The following AGPAT4 variants were observed in gnomAD, a reference collection of about 807,000 sequenced individuals.
AGPAT4 encodes 1-acylglycerol-3-phosphate O-acyltransferase 4.
A neutral mutation model predicts 48.0 loss-of-function variants in AGPAT4; 15 were observed. The observed-to-expected ratio is 0.31, with a 90% confidence interval of 0.21 to 0.48. AGPAT4 has a LOEUF of 0.48. Among genes scored for constraint, AGPAT4 ranks in the 20% least tolerant of loss-of-function variants. The pLI, the probability that AGPAT4 is intolerant of heterozygous loss-of-function variation, is 0.99. For synonymous variants in AGPAT4, 178 were observed against 198.7 expected, an observed-to-expected ratio of 0.90 and a Z score of 0.88; for missense variants, 314 against 482.5, an observed-to-expected ratio of 0.65 and a Z score of 3.27.
chr6:161,177,872 T>G lies in AGPAT4; in HGVS notation c.179-11455A>C, dbSNP rs182155733. ...CGTTTGTTAGTTTTCCTTCTAACAG[T>G]CGGAACCCTCAGCTGCAGGTCTGTT... is the stretch of plus-strand genomic sequence containing the variant. On this transcript the variant is annotated intron_variant, in intron 2 of 8. Coordinates refer to ENST00000320285, the MANE Select transcript of AGPAT4 (RefSeq NM_020133.3). This position sits in a 1 kb window ranked among gnomAD's most constrained non-coding sequence, Gnocchi z 5.0. Among the ~76,000 whole-genome samples the G allele has an allele frequency of 2.9e-4, 44 of 152,356 alleles. No homozygotes were observed. The highest frequency in any genetic ancestry group is 1.0e-3 in the African/African-American group (42 of 41,594).
intron 2 of AGPAT4, among the ~76,000 whole-genome samples, chr6:161,170,372 C>T (rs1227289975): frequency 6.6e-6 from 1 of 152,130 alleles, no homozygotes; most frequent in Non-Finnish European, 1.5e-5. Flanking sequence ...CCCAACCTCC[C>T]TCCCTTCTCC....
At chr6:161,237,422 C>G (rs1240491150) in intron 1 of AGPAT4, among the ~76,000 whole-genome samples, 2 of 152,158 alleles carry the variant, frequency 1.3e-5, no homozygotes, top group East Asian at 1.9e-4. Flanking sequence ...CAGAAGAAGT[C>G]TCCTTCAGCA....
Position 161,180,969 on chromosome 6 carries a change from GA to G in AGPAT4, c.179-14553del, listed in dbSNP as rs1381713293. Reference sequence around the variant, plus strand: ...ACAAAAACAAAGTGGAGTTAAGGAAGAAAGGCCTCTGCTGTCCTATCTGTAA... The same window carrying G: ...ACAAAAACAAAGTGGAGTTAAGGAAGAAGGCCTCTGCTGTCCTATCTGTAA... On this transcript the variant is annotated intron_variant, in intron 2 of 8. Transcript: ENST00000320285. The surrounding 1 kb of genome is among the most constrained non-coding windows in gnomAD (Gnocchi z 6.4). 6.6e-6 allele frequency among the ~76,000 whole-genome samples: 1 copy of G among 152,212 alleles called. No individual in the cohort carries two copies. Among genetic ancestry groups the G allele is most frequent in the Admixed American group, 6.5e-5 (1 of 15,290 alleles).
intron 5 of AGPAT4, among the ~76,000 whole-genome samples, chr6:161,153,021 C>T (rs2114965420): frequency 6.6e-6 from 1 of 152,332 alleles, no homozygotes; most frequent in Non-Finnish European, 1.5e-5. Flanking sequence ...TCAAACCCAA[C>T]TGTGCTGTCT....
At chr6:161,174,810 A>T (rs556781678) in intron 2 of AGPAT4, among the ~76,000 whole-genome samples, 1 of 152,292 alleles carries the variant, frequency 6.6e-6, no homozygotes, top group African/African-American at 2.4e-5. Flanking sequence ...TATGATTTTG[A>T]GATACGTCCC....
At chr6:161,188,606 T>C (rs1780835444) in intron 2 of AGPAT4, among the ~76,000 whole-genome samples, 1 of 152,214 alleles carries the variant, frequency 6.6e-6, no homozygotes, top group African/African-American at 2.4e-5. Context: ...ATGCAATATC[T>C]GGGACACATA....
rs564505701 is a variant in AGPAT4 at position 161,131,388 on chromosome 6, A to G, written c.*5152T>C. 6.5e-6 allele frequency: 1 copy of G among 153,142 alleles called. No homozygotes were observed. Among genetic ancestry groups the G allele is most frequent in the Admixed American group, 6.5e-5 (1 of 15,468 alleles). 9.5% of individuals were successfully genotyped at this position (153,142 alleles called of 1,614,324 possible). Reference sequence around the variant, plus strand: ...TCCTGGAGAACAGCTTTGCTATTTCACTGGTAACTCCGAAACTTCAAAATA... The same window carrying G: ...TCCTGGAGAACAGCTTTGCTATTTCGCTGGTAACTCCGAAACTTCAAAATA... On this transcript the variant is annotated 3_prime_UTR_variant, in exon 9 of 9. Transcript: ENST00000320285.
chr6:161,168,202 C>G (rs998284666), intron 2 of AGPAT4, among the ~76,000 whole-genome samples: 2 of 152,060 alleles, frequency 1.3e-5, no homozygotes, highest in African/African-American at 4.8e-5. Context: ...CAATTTGTTA[C>G]CATGGGGCAC....
intron 3 of AGPAT4, among the ~76,000 whole-genome samples, chr6:161,156,875 T>C (rs1301110336): frequency 6.7e-6 from 1 of 149,312 alleles, no homozygotes; most frequent in Non-Finnish European, 1.5e-5. Context: ...GACATGCTCC[T>C]GCTGCAGTTA....
Position 161,142,642 on chromosome 6 carries a change from G to A in AGPAT4, c.844-3022C>T, listed in dbSNP as rs1295343844. On this transcript the variant is annotated intron_variant, in intron 7 of 8. Coordinates refer to ENST00000320285, the MANE Select transcript of AGPAT4 (RefSeq NM_020133.3). This position sits in a 1 kb window ranked among gnomAD's most constrained non-coding sequence, Gnocchi z 6.4. ...TCAGCTTTCCCAGGGCCCAGGAGAA[G>A]AAAGAAGGGAGAAAAGAACGGGAGG... Among the ~76,000 whole-genome samples the A allele has an allele frequency of 6.6e-6, 1 of 152,170 alleles. No individual in the cohort carries two copies. Among genetic ancestry groups the A allele is most frequent in the Non-Finnish European group, 1.5e-5 (1 of 68,040 alleles).
Position 161,255,924 on chromosome 6 carries a change from C to A in AGPAT4, c.-90+18014G>T, listed in dbSNP as rs1782931405. Among the ~76,000 whole-genome samples, 1 of 152,104 alleles carries A rather than the reference C, an allele frequency of 6.6e-6. No homozygotes were observed. The highest frequency in any genetic ancestry group is 2.4e-5 in the African/African-American group (1 of 41,406). On this transcript the variant is annotated intron_variant, in intron 1 of 8. Transcript: ENST00000320285. This position sits in a 1 kb window ranked among gnomAD's most constrained non-coding sequence, Gnocchi z 4.7. Reference sequence around the variant, plus strand: ...TAAAAACAAAGAAAAAAACACTGGCCCCACAGAAGACAAAACATAAGCAGA... The same window carrying A: ...TAAAAACAAAGAAAAAAACACTGGCACCACAGAAGACAAAACATAAGCAGA...
At chr6:161,145,870 C>T (rs1456228095) in intron 7 of AGPAT4, among the ~76,000 whole-genome samples, 1 of 151,710 alleles carries the variant, frequency 6.6e-6, no homozygotes, top group African/African-American at 2.4e-5. Flanking sequence ...TTAATGAGAC[C>T]TGGCCATAAA....
rs1438257113 is a variant in AGPAT4, at chr6:161,135,087, T to C, written c.*1453A>G. 1 of 77,906 alleles carries C rather than the reference T, an allele frequency of 1.3e-5. No homozygotes were observed. Among genetic ancestry groups the C allele is most frequent in the Non-Finnish European group, 2.6e-5 (1 of 38,572 alleles). The allele number at this position is 77,906 out of a possible 1,614,324, so 4.8% of individuals were successfully genotyped here. The stretch of plus-strand genomic sequence containing the variant: ...TAACTCCTTGGCTTACCTAGTTTGG[T>C]TGATAAACAATGACTAAATGAGCAA... On this transcript the variant is annotated 3_prime_UTR_variant, in exon 9 of 9. Transcript: ENST00000320285.
In AGPAT4 at chr6:161,223,437, T is replaced by C. The variant is rs1454686766; in HGVS notation, c.178+8599A>G. 6.6e-6 allele frequency among the ~76,000 whole-genome samples: 1 copy of C among 152,208 alleles called. No individual in the cohort carries two copies. The highest frequency in any genetic ancestry group is 1.9e-4 in the East Asian group (1 of 5,202). Reference sequence around the variant, plus strand: ...GATTTTGGAATCTCAGCTCTCCTCCTCTCTGTTCGGCCTTAGGCAAGTCAT... The same window carrying C: ...GATTTTGGAATCTCAGCTCTCCTCCCCTCTGTTCGGCCTTAGGCAAGTCAT... On this transcript the variant is annotated intron_variant, in intron 2 of 8. Transcript: ENST00000320285. The surrounding 1 kb of genome is among the most constrained non-coding windows in gnomAD (Gnocchi z 6.3).
chr6:161,219,872 T>TAGATAGATAGATAGGC lies in AGPAT4; in HGVS notation c.178+12163_178+12164insGCCTATCTATCTATCT, dbSNP rs1375144242. 1.2e-3 allele frequency among the ~76,000 whole-genome samples: 141 copies of TAGATAGATAGATAGGC among 121,150 alleles called. No homozygotes were observed. Among genetic ancestry groups the TAGATAGATAGATAGGC allele is most frequent in the Non-Finnish European group, 1.9e-3 (103 of 53,750 alleles). 79.5% of individuals were successfully genotyped at this position (121,150 alleles called of 152,430 possible). A position where few individuals can be genotyped will look rare whatever the true frequency, so the allele number is the denominator to read the frequency against. ...ATAGATAGATAGATAGATAGATAGATAGGCAGGCAGGCAGGCAGGCAGGCA... is the reference window on the plus strand; with the variant it reads ...ATAGATAGATAGATAGATAGATAGATAGATAGATAGATAGGCAGGCAGGCAGGCAGGCAGGCAGGCA... On this transcript the variant is annotated intron_variant, in intron 2 of 8. Transcript: ENST00000320285. The surrounding 1 kb of genome is among the most constrained non-coding windows in gnomAD (Gnocchi z 4.9).
In AGPAT4 at chr6:161,140,024, C is replaced by T. The variant is rs181195571; in HGVS notation, c.844-404G>A. ...CGGGAGAATGGAGTGGATGCTGCGCCGAAGCTGCCCGCAGGGGACACTCGG... is the reference window on the plus strand; with the variant it reads ...CGGGAGAATGGAGTGGATGCTGCGCTGAAGCTGCCCGCAGGGGACACTCGG... On this transcript the variant is annotated intron_variant, in intron 7 of 8. Transcript: ENST00000320285. This position sits in a 1 kb window ranked among gnomAD's most constrained non-coding sequence, Gnocchi z 6.5. Among the ~76,000 whole-genome samples the T allele has an allele frequency of 8.7e-4, 133 of 152,348 alleles. No homozygotes were observed. Among genetic ancestry groups the T allele is most frequent in the African/African-American group, 3.0e-3 (124 of 41,588 alleles).
rs1778982198 is a variant in AGPAT4 at position 161,133,895 on chromosome 6, C to T, written c.*2645G>A. The T allele has an allele frequency of 6.6e-6, 1 of 152,186 alleles. No homozygotes were observed. The highest frequency in any genetic ancestry group is 6.5e-5 in the Admixed American group (1 of 15,268). The allele number at this position is 152,186 out of a possible 1,614,324, so 9.4% of individuals were successfully genotyped here. On this transcript the variant is annotated 3_prime_UTR_variant, in exon 9 of 9. Transcript: ENST00000320285. ...AGATGGCTTAGGCTCCGTGGGTTTT[C>T]AACTCGTAGAAAAAATAACCCTGGG...
chr6:161,188,714 C>T (rs1032911089), intron 2 of AGPAT4, among the ~76,000 whole-genome samples: 2 of 152,146 alleles, frequency 1.3e-5, no homozygotes, highest in Non-Finnish European at 2.9e-5. Flanking sequence ...ACCCAGCAGT[C>T]ACCATGGTAA....
At position 161,233,933 on chromosome 6, in the gene AGPAT4, C is replaced by G. The variant is rs1485104604; in HGVS notation, c.-89-1631G>C. Among the ~76,000 whole-genome samples the G allele has an allele frequency of 1.3e-5, 2 of 152,182 alleles. No homozygotes were observed. The highest frequency in any genetic ancestry group is 4.8e-5 in the African/African-American group (2 of 41,444). ...TCATCCCACTTTTCAGAATAAGAAA[C>G]TGAGGCAATGGTGAGGTTGGGCAAC... On this transcript the variant is annotated intron_variant, in intron 1 of 8. Coordinates refer to ENST00000320285, the MANE Select transcript of AGPAT4 (RefSeq NM_020133.3). This position sits in a 1 kb window ranked among gnomAD's most constrained non-coding sequence, Gnocchi z 5.4.
Sources: allele counts gnomAD v4.1 joint callset (sites outside exome capture counted in the v4.1 genomes callset), GRCh38; gene constraint gnomAD v4.1.1; non-coding constraint Gnocchi (gnomAD v3.1); transcripts MANE v1.5; gene names NCBI Gene and HGNC (gene_info 2026-07-23, HGNC 2026-07-21).